MYOT: variants seen among roughly 807,000 people sequenced by gnomAD.
MYOT encodes 57 kDa cytoskeletal protein.
In MYOT, 36 loss-of-function variants were observed where a neutral mutation model predicts 58.0. The observed-to-expected ratio is 0.62, with a 90% CI of 0.48 to 0.82. MYOT has a LOEUF of 0.82. MYOT is among the 40% of genes least tolerant of loss of function. The pLI, the probability that MYOT is intolerant of heterozygous loss-of-function variation, is 0.00. For synonymous variants in MYOT, 218 were observed against 204.6 expected (o/e 1.07, Z -0.56); for missense variants, 505 against 592.1 (o/e 0.85, Z 1.53).
Position 137,867,879 on chromosome 5 carries a change from C to G in MYOT, c.-286C>G, listed in dbSNP as rs1281967239. On this transcript the variant is annotated 5_prime_UTR_variant, in exon 1 of 10. Coordinates refer to ENST00000239926, the MANE Select transcript of MYOT (RefSeq NM_006790.3). ...CTAAGCACAGAGCCACTAGATTAGT[C>G]TGTGAGGGAAGGAGATGCCTCTTCC... The G allele has an allele frequency of 2.6e-5, 4 of 152,220 alleles. No individual in the cohort carries two copies. The highest frequency in any genetic ancestry group is 4.8e-5 in the African/African-American group (2 of 41,446). 9.4% of individuals were successfully genotyped at this position (152,220 alleles called of 1,614,324 possible).
chr5:137,874,202 C>T lies in MYOT; in HGVS notation c.357-1627C>T, dbSNP rs185733505. ...TCCCTGCAGGCCGGGTGCGGTGGCT[C>T]AAGCCTGTAATCCCAGAACTTTGGG... On this transcript the variant is annotated intron_variant, in intron 2 of 9. Transcript: ENST00000239926. Among the ~76,000 whole-genome samples, 442 of 152,160 alleles carry T rather than the reference C, an allele frequency of 2.9e-3. 1 individual carries two copies. Among genetic ancestry groups the T allele is most frequent in the Non-Finnish European group, 4.9e-3 (330 of 67,988 alleles).
intron 4 of MYOT, among the ~76,000 whole-genome samples, chr5:137,878,271 G>A (rs1048497643): frequency 6.7e-6 from 1 of 148,862 alleles, no homozygotes; most frequent in African/African-American, 2.5e-5. Context: ...AGGCTGGAGT[G>A]CAGTGGCACA....
In MYOT at chr5:137,887,364, C is replaced by A; in HGVS notation, c.1476C>A (p.Leu492=). The change falls in exon 10 of 10, where the codon CTC becomes CTA. Residue 492 remains leucine, a synonymous_variant. Coordinates refer to ENST00000239926, the MANE Select transcript of MYOT (RefSeq NM_006790.3). ...EFQRLAAQSG[L]YESEEL is the part of the protein sequence containing the mutation. ...AGCGTTTGGCAGCTCAATCTGGACTCTATGAAAGTGAAGAACTTTAATAAC... is the reference window on the plus strand; with the variant it reads ...AGCGTTTGGCAGCTCAATCTGGACTATATGAAAGTGAAGAACTTTAATAAC... 6.2e-7 allele frequency: 1 copy of A among 1,613,916 alleles called. No individual in the cohort carries two copies. Among genetic ancestry groups the A allele is most frequent in the Non-Finnish European group, 8.5e-7 (1 of 1,179,932 alleles).
intron 7 of MYOT, 58 bp from the exon 8 acceptor site, chr5:137,885,990 T>C: frequency 1.7e-6 from 2 of 1,199,504 alleles, no homozygotes. Flanking sequence ...TACCTTGGTT[T>C]GATTTAATAC....
Position 137,870,810 on chromosome 5 carries a change from T to C in MYOT, c.159T>C (p.Ser53=). ...QPRQCTEQRF[S]ASSTLSSHIT... ...GCCAGTGTACAGAGCAAAGATTTTCTGCCTCCTCAACACTGAGCTCTCACA... is the reference window on the plus strand; with the variant it reads ...GCCAGTGTACAGAGCAAAGATTTTCCGCCTCCTCAACACTGAGCTCTCACA... The change falls in exon 2 of 10, where the codon TCT becomes TCC. Residue 53 remains serine, a synonymous_variant. Coordinates refer to ENST00000239926, the MANE Select transcript of MYOT (RefSeq NM_006790.3). 6.2e-7 allele frequency: 1 copy of C among 1,614,192 alleles called. No homozygotes were observed. The highest frequency in any genetic ancestry group is 8.5e-7 in the Non-Finnish European group (1 of 1,180,022).
chr5:137,872,967 T>C (rs58997192), intron 2 of MYOT, among the ~76,000 whole-genome samples: 3,468 of 152,286 alleles, frequency 0.023, 119 homozygotes, highest in African/African-American at 0.078. Flanking sequence ...GCAAACGTAC[T>C]ATTAGTTTGT....
At chr5:137,869,339 A>G (rs559022902) in intron 1 of MYOT, among the ~76,000 whole-genome samples, 6 of 152,306 alleles carry the variant, frequency 3.9e-5, no homozygotes, top group South Asian at 2.1e-4. Flanking sequence ...AATTTATAGG[A>G]CTAGTCTTTG....
intron 1 of MYOT, among the ~76,000 whole-genome samples, chr5:137,870,040 G>C (rs1754989419): frequency 6.7e-6 from 1 of 150,078 alleles, no homozygotes; most frequent in African/African-American, 2.5e-5. Context: ...TGTAACTCCA[G>C]CACCAAGGGG....
intron 7 of MYOT, among the ~76,000 whole-genome samples, chr5:137,885,322 T>A (rs79279496): frequency 0.18 from 27,308 of 152,046 alleles, 2,548 homozygotes; most frequent in African/African-American, 0.21. Context: ...GATTTTTTTT[T>A]TATAACAATA....
chr5:137,871,967 G>T (rs1237789410), intron 2 of MYOT, among the ~76,000 whole-genome samples: 1 of 152,066 alleles, frequency 6.6e-6, no homozygotes, highest in Non-Finnish European at 1.5e-5. Flanking sequence ...ATTTCTCGCA[G>T]TCTTCTCTAG....
chr5:137,870,704 G>A lies in MYOT; in HGVS notation c.53G>A (p.Gly18Asp). 1 of 1,614,182 alleles carries A rather than the reference G, an allele frequency of 6.2e-7. No individual in the cohort carries two copies. The highest frequency in any genetic ancestry group is 1.6e-4 in the Middle Eastern group (1 of 6,062). ...TTCATCCAGTCCCAAAACCCATGTG[G>A]CTCCAGATTGCAGCCTCCTGGACCA... ...KHFIQSQNPC[G>D]SRLQPPGPET... Residue 18 changes from glycine to aspartate, a missense_variant, in exon 2 of 10, where the codon GGC becomes GAC. Coordinates refer to ENST00000239926, the MANE Select transcript of MYOT (RefSeq NM_006790.3).
At chr5:137,871,490 C>G (rs745349269) in intron 2 of MYOT, among the ~76,000 whole-genome samples, 2 of 152,116 alleles carry the variant, frequency 1.3e-5, no homozygotes, top group Admixed American at 6.5e-5. Context: ...CCCCTCTAAT[C>G]CTGAATATCC....
chr5:137,885,460 T>C (rs541577165), intron 7 of MYOT, among the ~76,000 whole-genome samples: 2 of 152,210 alleles, frequency 1.3e-5, no homozygotes, highest in South Asian at 4.1e-4. Context: ...TCCCTGTAGA[T>C]GAGATGATAA....
chr5:137,878,680 G>A (rs1313205555), intron 4 of MYOT, among the ~76,000 whole-genome samples: 1 of 151,948 alleles, frequency 6.6e-6, no homozygotes, highest in Non-Finnish European at 1.5e-5. Flanking sequence ...AAAATTAGCT[G>A]GGCGTGGTGG....
Position 137,877,135 on chromosome 5 carries a change from G to A in MYOT, c.532-385G>A, listed in dbSNP as rs191203594. The stretch of plus-strand genomic sequence containing the variant: ...TATAATCCCAGCACTTGGGGAGGCC[G>A]AGGCGGGTGGATCACAAGGTCAGGA... On this transcript the variant is annotated intron_variant, in intron 3 of 9. Transcript: ENST00000239926. Among the ~76,000 whole-genome samples the A allele has an allele frequency of 1.5e-3, 222 of 151,744 alleles. 7 individuals are homozygous for A. In the East Asian group the frequency reaches 0.037, roughly 25 times the overall value.
intron 6 of MYOT, chr5:137,883,103 A>G (rs1755487272): frequency 5.2e-6 from 2 of 382,756 alleles, no homozygotes; most frequent in South Asian, 4.9e-5. Flanking sequence ...AATGTAACAT[A>G]AATTAATGTT....
At chr5:137,873,119 G>A (rs1755101446) in intron 2 of MYOT, among the ~76,000 whole-genome samples, 1 of 151,898 alleles carries the variant, frequency 6.6e-6, no homozygotes, top group African/African-American at 2.4e-5. Flanking sequence ...GGACTTCTCA[G>A]ATATATTCAG....
intron 3 of MYOT, among the ~76,000 whole-genome samples, 150 bp from the exon 4 acceptor site, chr5:137,877,367 CAAA>C (rs1172576383): frequency 2.4e-5 from 1 of 42,114 alleles, no homozygotes; most frequent in African/African-American, 7.7e-5. Context: ...GACTCCGTCT[CAAA>C]AAAAAAAAAA....
intron 6 of MYOT, 38 bp from the exon 7 acceptor site, chr5:137,883,346 T>G: frequency 1.3e-6 from 2 of 1,547,848 alleles, no homozygotes; most frequent in South Asian, 2.2e-5. Context: ...GATGCAATAC[T>G]TTAAAATTCT....
Sources: allele counts gnomAD v4.1 joint callset (sites outside exome capture counted in the v4.1 genomes callset), GRCh38; gene constraint gnomAD v4.1.1; transcripts MANE v1.5; gene names NCBI Gene and HGNC (gene_info 2026-07-23, HGNC 2026-07-21).